Variants in PPP1R13L observed in about 807,000 individuals in gnomAD.
The protein encoded by PPP1R13L is protein phosphatase 1 regulatory subunit 13 like, also known as relA-associated inhibitor.
Under a neutral mutation model 80.9 loss-of-function variants are expected in PPP1R13L, and 50 were observed. The observed-to-expected ratio is 0.62, with a 90% confidence interval of 0.49 to 0.78. PPP1R13L has a LOEUF of 0.78. Among genes scored for constraint, PPP1R13L ranks in the 30% least tolerant of loss-of-function variants. PPP1R13L has a pLI of 0.00. For synonymous variants in PPP1R13L, 602 were observed against 534.3 expected (o/e 1.13, Z -1.75); for missense variants, 1,200 against 1,205.9 (o/e 1.00, Z 0.07).
chr19:45,387,774 T>C (rs765174384), intron 8 of PPP1R13L, among the ~76,000 whole-genome samples: 4 of 152,084 alleles, frequency 2.6e-5, no homozygotes, highest in African/African-American at 4.8e-5. Context: ...GAAGGTCTTG[T>C]TCTCCTGACC....
At chr19:45,385,090 GA>G (rs1237123101) in intron 11 of PPP1R13L, among the ~76,000 whole-genome samples, 1 of 151,994 alleles carries the variant, frequency 6.6e-6, no homozygotes, top group Admixed American at 6.6e-5. Flanking sequence ...GCCCGTCGGG[GA>G]ACCAGGTGAT....
chr19:45,396,688 G>A lies in PPP1R13L; in HGVS notation c.569C>T (p.Ala190Val), dbSNP rs1290557640. ...GGGGAAGAAGGCCTGGGGCCCCTCC[G>A]CCAGGGGGCTGCCGCGGGGGGAGCC... ...RAGSPRGSPL[A>V]EGPQAFFPER... is the part of the protein sequence containing the mutation. The change falls in exon 4 of 13, where the codon GCG (alanine) becomes GTG (valine). Residue 190 changes from alanine (A) to valine (V), a missense_variant. Physicochemically the swap from Ala to Val is moderately conservative, Grantham distance 64. Coordinates refer to ENST00000360957, the MANE Select transcript of PPP1R13L (RefSeq NM_006663.4). This position sits in a 1 kb window ranked among gnomAD's most constrained non-coding sequence, Gnocchi z 5.3. The A allele has an allele frequency of 1.4e-6, 2 of 1,421,236 alleles. No homozygotes were observed. The highest frequency in any genetic ancestry group is 2.9e-5 in the Admixed American group (1 of 34,288). 88.0% of individuals were successfully genotyped at this position (1,421,236 alleles called of 1,614,324 possible).
intron 1 of PPP1R13L, among the ~76,000 whole-genome samples, chr19:45,402,794 C>T (rs1341163452): frequency 6.6e-6 from 1 of 152,232 alleles, no homozygotes; most frequent in Non-Finnish European, 1.5e-5. Flanking sequence ...CCTCTCTCCG[C>T]TCCACCCCTG....
chr19:45,395,234 G>A (rs1973057384), intron 7 of PPP1R13L: 9 of 669,424 alleles, frequency 1.3e-5, no homozygotes, highest in South Asian at 1.8e-5. Flanking sequence ...CAGGCAGTCT[G>A]GCTTCAGGGT....
chr19:45,405,767 C>G (rs917765816), upstream of PPP1R13L, among the ~76,000 whole-genome samples: 4 of 152,234 alleles, frequency 2.6e-5, no homozygotes, highest in African/African-American at 9.6e-5. Context: ...CGCTGACACA[C>G]TGGCCAGGAA....
At chr19:45,398,881 T>C (rs865858274) in intron 1 of PPP1R13L, among the ~76,000 whole-genome samples, 2 of 151,982 alleles carry the variant, frequency 1.3e-5, no homozygotes, top group Non-Finnish European at 2.9e-5. Context: ...CCGGTAAACA[T>C]AGGATGGAAT....
chr19:45,395,370 G>T, intron 7 of PPP1R13L, 66 bp downstream of exon 7: 2 of 1,559,294 alleles, frequency 1.3e-6, no homozygotes, highest in Non-Finnish European at 8.6e-7. Context: ...TCCCAGGGCT[G>T]GTCTGGTCCC....
chr19:45,405,898 T>C (rs142897417), upstream of PPP1R13L, among the ~76,000 whole-genome samples: 772 of 152,192 alleles, frequency 5.1e-3, 7 homozygotes, highest in African/African-American at 0.016. Flanking sequence ...GTGCCGCTGT[T>C]TACACGCTCC....
chr19:45,390,385 G>A (rs1972948363), intron 8 of PPP1R13L, among the ~76,000 whole-genome samples: 1 of 152,146 alleles, frequency 6.6e-6, no homozygotes, highest in South Asian at 2.1e-4. Context: ...GCCACCATCT[G>A]GTCCTGGTGG....
intron 8 of PPP1R13L, among the ~76,000 whole-genome samples, chr19:45,391,596 T>G (rs1007517977): frequency 2.2e-4 from 34 of 152,164 alleles, no homozygotes; most frequent in African/African-American, 8.0e-4. Context: ...GGGCACTTTC[T>G]CTTCTTCTTT....
At chr19:45,389,857 G>A (rs1179358126) in intron 8 of PPP1R13L, among the ~76,000 whole-genome samples, 5 of 151,708 alleles carry the variant, frequency 3.3e-5, no homozygotes, top group Admixed American at 6.6e-5. Flanking sequence ...GTGCAGTGGC[G>A]CGATCTCAGC....
Position 45,398,334 on chromosome 19 carries a change from G to A in PPP1R13L, c.-16C>T, listed in dbSNP as rs1013326370. ...CGCTGTCCATGGTGCCGGCCGGAGC[G>A]GGCGCCTGCATGGTGGGGAGGGAGG... On this transcript the variant is annotated 5_prime_UTR_variant, in exon 2 of 13. Coordinates refer to ENST00000360957, the MANE Select transcript of PPP1R13L (RefSeq NM_006663.4). 1.5e-5 allele frequency: 24 copies of A among 1,612,980 alleles called. No individual in the cohort carries two copies. Among genetic ancestry groups the A allele is most frequent in the Non-Finnish European group, 1.7e-5 (20 of 1,179,862 alleles).
At chr19:45,382,163 G>GC (rs1309808906) in intron 12 of PPP1R13L, among the ~76,000 whole-genome samples, 1 of 152,064 alleles carries the variant, frequency 6.6e-6, no homozygotes, top group Non-Finnish European at 1.5e-5. Context: ...GGTGGGGGGG[G>GC]CCCGAGGTTG....
At chr19:45,385,083 C>G (rs563983521) in intron 11 of PPP1R13L, among the ~76,000 whole-genome samples, 9 of 152,136 alleles carry the variant, frequency 5.9e-5, no homozygotes, top group Admixed American at 2.0e-4. Flanking sequence ...TCGCCCTGCC[C>G]GTCGGGGAAC....
chr19:45,382,597 G>A lies in PPP1R13L; in HGVS notation c.2378C>T (p.Pro793Leu). The change falls in exon 12 of 13, where the codon CCG (proline) becomes CTG (leucine). Residue 793 changes from proline to leucine, a missense_variant. This residue lies in a region of PPP1R13L where 165 missense variants were observed against 177.1 expected (regional missense o/e 0.93). Coordinates refer to ENST00000360957, the MANE Select transcript of PPP1R13L (RefSeq NM_006663.4). ...ESVTVLRRDG[P>L]EETDWWWAAL... ...GGCCCACCACCAGTCGGTCTCCTCC[G>A]GCCCGTCCCTCCGCAGCACGGTGAC... The A allele has an allele frequency of 1.2e-6, 2 of 1,613,598 alleles. No homozygotes were observed. The highest frequency in any genetic ancestry group is 1.1e-5 in the South Asian group (1 of 91,076).
Position 45,395,863 on chromosome 19 carries a change from C to T in PPP1R13L, c.927G>A (p.Leu309=), listed in dbSNP as rs776968205. The change falls in exon 7 of 13, where the codon CTG becomes CTA. Residue 309 remains leucine (L), a synonymous_variant. Coordinates refer to ENST00000360957, the MANE Select transcript of PPP1R13L (RefSeq NM_006663.4). The stretch of plus-strand genomic sequence containing the variant: ...GAGGAGAGACCTTGTAATTGCGCGG[C>T]AGGGTGGCGCTAGTGAGGTTGTCCT... The part of the protein sequence containing the change: ...TGKDNLTSAT[L]PRNYKVSPLA... 1.1e-5 allele frequency: 17 copies of T among 1,594,636 alleles called. No individual in the cohort carries two copies. The South Asian group carries it at 1.7e-4, about 16-fold the overall frequency.
At position 45,396,089 on chromosome 19, in the gene PPP1R13L, G is replaced by A. The variant is rs972710681; in HGVS notation, c.903+79C>T. On this transcript the variant is annotated intron_variant, in intron 6 of 12. Coordinates refer to ENST00000360957, the MANE Select transcript of PPP1R13L (RefSeq NM_006663.4). This position sits in a 1 kb window ranked among gnomAD's most constrained non-coding sequence, Gnocchi z 5.3. ...AGACCCAGATCGCAGCCCCGAGGGG[G>A]AGACTGGCCTTGACCCCGCTCCCCC... 4.5e-5 allele frequency: 66 copies of A among 1,478,636 alleles called. No individual in the cohort carries two copies. Among genetic ancestry groups the A allele is most frequent in the Middle Eastern group, 2.3e-4 (1 of 4,344 alleles). 91.6% of individuals were successfully genotyped at this position (1,478,636 alleles called of 1,614,324 possible). A position where few individuals can be genotyped will look rare whatever the true frequency, so the allele number is the denominator to read the frequency against.
At chr19:45,406,182 T>C, upstream of PPP1R13L, 3 of 606,728 alleles carry the variant, frequency 4.9e-6, no homozygotes, top group Non-Finnish European at 4.1e-6. The surrounding 1 kb of genome is among the most constrained non-coding windows in gnomAD (Gnocchi z 4.2). Context: ...TTGCCCCTAT[T>C]TCTCCATTTT....
intron 1 of PPP1R13L, among the ~76,000 whole-genome samples, chr19:45,398,911 T>G (rs950792630): frequency 6.6e-6 from 1 of 151,986 alleles, no homozygotes; most frequent in Non-Finnish European, 1.5e-5. Flanking sequence ...TTACTGAATG[T>G]TTACTAGGGA....
Sources: gnomAD v4.1 joint callset for allele counts (sites outside exome capture counted in the v4.1 genomes callset) on GRCh38, gnomAD v4.1.1 for gene constraint, gnomAD v4.1.1 regional missense constraint, Gnocchi (gnomAD v3.1) non-coding constraint, MANE v1.5 for transcripts, NCBI Gene and HGNC (gene_info 2026-07-23, HGNC 2026-07-21) for gene names.